Variants in TMEM178A observed in about 807,000 individuals in gnomAD.
TMEM178A encodes transmembrane protein 178.
Under a neutral mutation model 29.1 loss-of-function variants are expected in TMEM178A, and 12 were observed. That is an observed-to-expected ratio of 0.41 (90% CI 0.26 to 0.67). TMEM178A has a LOEUF of 0.67. Ranked by LOEUF, TMEM178A falls within the 30% of genes least tolerant of loss-of-function variation. The pLI, the probability that TMEM178A is intolerant of heterozygous loss-of-function variation, is 0.29. For synonymous variants in TMEM178A, 210 were observed against 187.2 expected, an observed-to-expected ratio of 1.12 and a Z score of -0.99; for missense variants, 366 against 419.1, an observed-to-expected ratio of 0.87 and a Z score of 1.11.
chr2:39,694,901 T>A (rs1671472029), intron 1 of TMEM178A, among the ~76,000 whole-genome samples: 1 of 152,246 alleles, frequency 6.6e-6, no homozygotes, highest in South Asian at 2.1e-4. Context: ...GTAGACCTGA[T>A]GAAAGGTTTG....
chr2:39,671,332 A>G (rs927087937), intron 1 of TMEM178A, among the ~76,000 whole-genome samples: 19 of 152,260 alleles, frequency 1.2e-4, no homozygotes, highest in African/African-American at 4.6e-4. Flanking sequence ...TAGATTGATG[A>G]TTTTCTTCAG....
the TMEM178A span, among the ~76,000 whole-genome samples, chr2:39,734,462 A>G: frequency 1.3e-5 from 2 of 152,198 alleles, no homozygotes; most frequent in Admixed American, 6.5e-5. Flanking sequence ...TTATTCTCCT[A>G]TTCCCAATCC....
chr2:39,673,133 G>A (rs968120969), intron 1 of TMEM178A, among the ~76,000 whole-genome samples: 3 of 151,918 alleles, frequency 2.0e-5, no homozygotes, highest in South Asian at 4.2e-4. Context: ...AGCAAACCAC[G>A]ACCTCAGATT....
intron 1 of TMEM178A, among the ~76,000 whole-genome samples, chr2:39,676,849 C>G (rs1431000176): frequency 6.6e-6 from 1 of 152,136 alleles, no homozygotes; most frequent in Non-Finnish European, 1.5e-5. Context: ...CCAGATCTAC[C>G]ACTTTCTCCA....
the TMEM178A span, among the ~76,000 whole-genome samples, chr2:39,724,130 T>C: frequency 6.6e-6 from 1 of 152,188 alleles, no homozygotes; most frequent in African/African-American, 2.4e-5. Flanking sequence ...AATTACCTTC[T>C]TGGCACTTCC....
At chr2:39,722,340 G>A (rs563058952), downstream of TMEM178A, among the ~76,000 whole-genome samples, 5 of 152,178 alleles carry the variant, frequency 3.3e-5, no homozygotes, top group South Asian at 1.0e-3. Context: ...AGGGGAAAAA[G>A]AAAAAACTGC....
At chr2:39,686,978 TG>T (rs1325632718) in intron 1 of TMEM178A, among the ~76,000 whole-genome samples, 3 of 136,136 alleles carry the variant, frequency 2.2e-5, no homozygotes, top group Non-Finnish European at 4.7e-5. Flanking sequence ...TGTGTGTGTG[TG>T]TGTGTGTGTG....
At chr2:39,719,352 G>A (rs534144710), downstream of TMEM178A, among the ~76,000 whole-genome samples, 4 of 152,336 alleles carry the variant, frequency 2.6e-5, no homozygotes, top group African/African-American at 9.6e-5. Flanking sequence ...TGAGGTGAGA[G>A]TGGAAGAAAG....
chr2:39,731,001 C>T, the TMEM178A span, among the ~76,000 whole-genome samples: 1 of 152,178 alleles, frequency 6.6e-6, no homozygotes, highest in Non-Finnish European at 1.5e-5. Context: ...TTCAGTAAGC[C>T]ATTCCATCAT....
intron 3 of TMEM178A, among the ~76,000 whole-genome samples, chr2:39,716,135 C>A (rs768529110): frequency 6.6e-6 from 1 of 152,154 alleles, no homozygotes; most frequent in Non-Finnish European, 1.5e-5. Flanking sequence ...TGATTGGGTG[C>A]CAGTTTCTGT....
chr2:39,670,476 T>C (rs1670366815), intron 1 of TMEM178A, among the ~76,000 whole-genome samples: 1 of 152,218 alleles, frequency 6.6e-6, no homozygotes. Context: ...TAGTAGGTCA[T>C]AGGACCAGGG....
At chr2:39,701,407 T>G (rs1026026105) in intron 1 of TMEM178A, among the ~76,000 whole-genome samples, 2 of 152,112 alleles carry the variant, frequency 1.3e-5, no homozygotes, top group Non-Finnish European at 2.9e-5. Context: ...TGATGAGAAA[T>G]CAGCTGGTAA....
downstream of TMEM178A, among the ~76,000 whole-genome samples, chr2:39,718,185 A>G (rs538698952): frequency 1.3e-3 from 131 of 103,820 alleles, no homozygotes; most frequent in Non-Finnish European, 2.0e-3. Context: ...TACTATTTAC[A>G]ATTTTCTTCT....
At chr2:39,723,167 C>T in the TMEM178A span, among the ~76,000 whole-genome samples, 5 of 152,210 alleles carry the variant, frequency 3.3e-5, no homozygotes, top group African/African-American at 9.7e-5. Context: ...GTGATGAACA[C>T]ATAAATACTT....
the TMEM178A span, among the ~76,000 whole-genome samples, chr2:39,731,694 G>A: frequency 6.6e-6 from 1 of 152,170 alleles, no homozygotes; most frequent in African/African-American, 2.4e-5. Context: ...CTTCCAGGAG[G>A]ACAAACTCAA....
At position 39,717,430 on chromosome 2, in the gene TMEM178A, G is replaced by A. The variant is rs1359767289; in HGVS notation, c.*179G>A. 7 of 819,934 alleles carry A rather than the reference G, an allele frequency of 8.5e-6. No individual in the cohort carries two copies. The East Asian group carries it at 1.9e-4, about 23-fold the overall frequency. 50.8% of individuals were successfully genotyped at this position (819,934 alleles called of 1,614,324 possible). A position where few individuals can be genotyped will look rare whatever the true frequency, so the allele number is the denominator to read the frequency against. On this transcript the variant is annotated 3_prime_UTR_variant, in exon 4 of 4. Transcript: ENST00000281961. ...ACCTTTCTAAGGACAAGACTACTGT[G>A]GATTCAAGTGCTTTAATGACTATTT...
At chr2:39,685,470 T>A (rs978977675) in intron 1 of TMEM178A, among the ~76,000 whole-genome samples, 3 of 152,232 alleles carry the variant, frequency 2.0e-5, no homozygotes, top group South Asian at 4.1e-4. Context: ...AATGCCCCTG[T>A]CCTTCTCTAG....
At chr2:39,685,079 A>T (rs138371334) in intron 1 of TMEM178A, among the ~76,000 whole-genome samples, 1 of 152,180 alleles carries the variant, frequency 6.6e-6, no homozygotes, top group South Asian at 2.1e-4. Flanking sequence ...TAAAAAATCA[A>T]TTCTGATCAT....
intron 3 of TMEM178A, among the ~76,000 whole-genome samples, chr2:39,715,167 T>G (rs1672484081): frequency 6.6e-6 from 1 of 152,226 alleles, no homozygotes; most frequent in South Asian, 2.1e-4. Context: ...AACTCAAGCT[T>G]TCATAGGTCA....
Sources: gnomAD v4.1 joint callset for allele counts (sites outside exome capture counted in the v4.1 genomes callset) on GRCh38, gnomAD v4.1.1 for gene constraint, MANE v1.5 for transcripts, NCBI Gene and HGNC (gene_info 2026-07-23, HGNC 2026-07-21) for gene names.